The following CA6 variants were observed in gnomAD, a reference collection of about 807,000 sequenced individuals.
CA6 encodes the protein carbonic anhydrase 6, also known as carbonate dehydratase VI.
In CA6, 28 loss-of-function variants were observed where a neutral mutation model predicts 35.9. The ratio of observed to expected loss-of-function variants is 0.78; its 90% CI spans 0.58 to 1.07. CA6 has a LOEUF of 1.07. CA6 is among the 50% of genes least tolerant of loss of function. The pLI is 0.00. For synonymous variants in CA6, 148 were observed against 152.6 expected, an observed-to-expected ratio of 0.97 and a Z score of 0.22; for missense variants, 377 against 382.0, an observed-to-expected ratio of 0.99 and a Z score of 0.11.
chr1:8,955,308 C>T (rs1044507599), intron 2 of CA6, among the ~76,000 whole-genome samples: 5 of 152,056 alleles, frequency 3.3e-5, no homozygotes, highest in East Asian at 1.9e-4. Flanking sequence ...CCTGGGAGGT[C>T]GAGGCTGCAG....
At chr1:8,947,093 C>T (rs1298506792) in intron 1 of CA6, among the ~76,000 whole-genome samples, 3 of 152,024 alleles carry the variant, frequency 2.0e-5, no homozygotes, top group Non-Finnish European at 2.9e-5. Flanking sequence ...CGTGAGCCAC[C>T]GCGCCAGGCC....
rs754519428 is a variant in CA6, at chr1:8,970,898, A to C, written c.761A>C (p.His254Pro). 2.0e-5 allele frequency: 32 copies of C among 1,613,774 alleles called. No individual in the cohort carries two copies. The highest frequency in any genetic ancestry group is 2.6e-5 in the Non-Finnish European group (31 of 1,179,816). The change falls in exon 7 of 8, where the codon CAC (histidine) becomes CCC (proline). Residue 254 changes from histidine to proline, a missense_variant. Physicochemically the swap from His to Pro is moderately conservative, Grantham distance 77. Coordinates refer to ENST00000377443, the MANE Select transcript of CA6 (RefSeq NM_001215.4). The stretch of plus-strand genomic sequence containing the variant: ...AAGCTGGAGAATTCCTTACTGGATC[A>C]CCGCAACAAGACCATCCACAACGAT... ...VWKLENSLLD[H>P]RNKTIHNDYR...
At chr1:8,961,701 T>G (rs866248265) in intron 4 of CA6, among the ~76,000 whole-genome samples, 1 of 151,438 alleles carries the variant, frequency 6.6e-6, no homozygotes, top group Middle Eastern at 3.4e-3. Context: ...TTATGCACAG[T>G]GAAAGAGATC....
intron 4 of CA6, among the ~76,000 whole-genome samples, chr1:8,959,279 C>T (rs11805912): frequency 0.19 from 28,388 of 151,360 alleles, 2,807 homozygotes; most frequent in Non-Finnish European, 0.21. Flanking sequence ...GGGAAACCTG[C>T]AACTCAGTCA....
chr1:8,959,949 A>AAAAAAAAAAAAAAC (rs1639793844), intron 4 of CA6, among the ~76,000 whole-genome samples: 2 of 144,362 alleles, frequency 1.4e-5, no homozygotes, highest in African/African-American at 5.2e-5. Flanking sequence ...AAAAAAAAAA[A>AAAAAAAAAAAAAAC]AGCTGGGCGC....
intron 3 of CA6, among the ~76,000 whole-genome samples, chr1:8,957,620 C>T (rs970972192): frequency 2.0e-5 from 3 of 151,006 alleles, no homozygotes; most frequent in Admixed American, 6.6e-5. Flanking sequence ...GGATTATAGG[C>T]GTGAGCCACA....
At chr1:8,949,161 T>A (rs1639450349) in intron 1 of CA6, 102 bp from the exon 2 acceptor site, 2 of 868,692 alleles carry the variant, frequency 2.3e-6, no homozygotes, top group Non-Finnish European at 3.4e-6. Context: ...CCTCCGTGGG[T>A]CCCCGCCCAG....
intron 1 of CA6, among the ~76,000 whole-genome samples, chr1:8,947,313 G>A (rs561700477): frequency 7.9e-5 from 12 of 152,148 alleles, no homozygotes; most frequent in African/African-American, 2.7e-4. Flanking sequence ...GCTGGTGGCC[G>A]CTGGCTGATG....
chr1:8,960,789 C>CACACACACACACATATATAT lies in CA6; in HGVS notation c.501+1788_501+1789insCACACACACACATATATATA, dbSNP rs59987426. Among the ~76,000 whole-genome samples, 225 of 116,888 alleles carry CACACACACACACATATATAT rather than the reference C, an allele frequency of 1.9e-3. 1 individual carries two copies. Among genetic ancestry groups the CACACACACACACATATATAT allele is most frequent in the African/African-American group, 4.9e-3 (146 of 29,978 alleles). 76.7% of individuals were successfully genotyped at this position (116,888 alleles called of 152,430 possible). On this transcript the variant is annotated intron_variant, in intron 4 of 7. Transcript: ENST00000377443. ...ACACACACACACACACACACACACA[C>CACACACACACACATATATAT]ATATATATAATGGGAGTCCCAGAAG...
At chr1:8,946,555 A>G (rs1410766478) in intron 1 of CA6, among the ~76,000 whole-genome samples, 1 of 152,034 alleles carries the variant, frequency 6.6e-6, no homozygotes, top group African/African-American at 2.4e-5. Flanking sequence ...TTTTCCATCC[A>G]CAGTGTTGGC....
chr1:8,974,464 G>T, intron 7 of CA6, 158 bp from the exon 8 acceptor site: 1 of 1,513,118 alleles, frequency 6.6e-7, no homozygotes, highest in South Asian at 1.3e-5. Flanking sequence ...CAGTGAAGAT[G>T]ACTAAAGGCA....
Position 8,957,159 on chromosome 1 carries a change from C to A in CA6, c.282C>A (p.Thr94=). Residue 94 remains threonine, a synonymous_variant, in exon 3 of 8, where the codon ACC becomes ACA. Transcript: ENST00000377443. ...CAGTGCAGATCAGCCTGCCCTCCACCATGCGCATGACAGTGGCTGACGGCA... is the reference window on the plus strand; with the variant it reads ...CAGTGCAGATCAGCCTGCCCTCCACAATGCGCATGACAGTGGCTGACGGCA... ...GHTVQISLPS[T]MRMTVADGTV... The A allele has an allele frequency of 6.2e-7, 1 of 1,612,604 alleles. No individual in the cohort carries two copies. The highest frequency in any genetic ancestry group is 8.5e-7 in the Non-Finnish European group (1 of 1,179,074).
chr1:8,970,568 G>A (rs1640082799), intron 6 of CA6, among the ~76,000 whole-genome samples: 1 of 151,930 alleles, frequency 6.6e-6, no homozygotes, highest in Admixed American at 6.6e-5. Context: ...GAGTGCGGTT[G>A]CGTGATACTG....
In CA6 at chr1:8,967,641, T is replaced by C. The variant is rs765718110; in HGVS notation, c.572-18T>C. 1 of 1,612,334 alleles carries C rather than the reference T, an allele frequency of 6.2e-7. No individual in the cohort carries two copies. The highest frequency in any genetic ancestry group is 1.1e-5 in the South Asian group (1 of 90,846). On this transcript the variant is annotated intron_variant, in intron 5 of 7. Coordinates refer to ENST00000377443, the MANE Select transcript of CA6 (RefSeq NM_001215.4). ...CGCTGGTCCCTGACATTCTGTTACC[T>C]TCTGTCTTCTTGGTCAGGACAAAGA...
intron 4 of CA6, among the ~76,000 whole-genome samples, chr1:8,960,833 T>G (rs1204780674): frequency 2.4e-5 from 3 of 125,044 alleles, no homozygotes; most frequent in African/African-American, 9.4e-5. Context: ...AGAGAGAAAG[T>G]GGAAGAAAAA....
At chr1:8,962,995 C>T (rs1446146777) in intron 5 of CA6, among the ~76,000 whole-genome samples, 2 of 152,176 alleles carry the variant, frequency 1.3e-5, no homozygotes, top group Non-Finnish European at 2.9e-5. Flanking sequence ...AGATGTCCAC[C>T]TGGCTCCAAG....
In CA6 at chr1:8,962,616, C is replaced by G. The variant is rs1351448511; in HGVS notation, c.531C>G (p.Tyr177Ter). Residue 177 changes from tyrosine to a stop codon, truncating the protein, a stop_gained, in exon 5 of 8, where the codon TAC becomes TAG. Coordinates refer to ENST00000377443, the MANE Select transcript of CA6 (RefSeq NM_001215.4). LOFTEE classifies it high-confidence loss of function. ...AGAATTACCCTGAAAACACTTATTA[C>G]AGCAACTTCATTTCTCATCTGGCCA... Reference protein sequence around the residue: ...EVKNYPENTYYSNFISHLANI... With the variant: ...EVKNYPENTY 6.2e-7 allele frequency: 1 copy of G among 1,613,776 alleles called. No homozygotes were observed. Among genetic ancestry groups the G allele is most frequent in the Non-Finnish European group, 8.5e-7 (1 of 1,179,804 alleles).
At chr1:8,958,420 G>A (rs1163129728) in intron 3 of CA6, among the ~76,000 whole-genome samples, 1 of 152,026 alleles carries the variant, frequency 6.6e-6, no homozygotes, top group Non-Finnish European at 1.5e-5. Context: ...CACCCGCCTC[G>A]GCCTCCCAAA....
At position 8,963,267 on chromosome 1, in the gene CA6, T is replaced by A. The variant is rs1168946234; in HGVS notation, c.571+611T>A. The stretch of plus-strand genomic sequence containing the variant: ...CCTCCTGCAATTCACCTGACCGGAG[T>A]CCTCCAAACCTGGGGCTTCCACATT... On this transcript the variant is annotated intron_variant, in intron 5 of 7. Coordinates refer to ENST00000377443, the MANE Select transcript of CA6 (RefSeq NM_001215.4). The surrounding 1 kb of genome is among the most constrained non-coding windows in gnomAD (Gnocchi z 4.1). 6.6e-6 allele frequency among the ~76,000 whole-genome samples: 1 copy of A among 151,830 alleles called. No homozygotes were observed. Among genetic ancestry groups the A allele is most frequent in the Non-Finnish European group, 1.5e-5 (1 of 67,956 alleles).
Sources: gnomAD v4.1 joint callset for allele counts (sites outside exome capture counted in the v4.1 genomes callset) on GRCh38, gnomAD v4.1.1 for gene constraint, Gnocchi (gnomAD v3.1) non-coding constraint, MANE v1.5 for transcripts, NCBI Gene and HGNC (gene_info 2026-07-23, HGNC 2026-07-21) for gene names.